IL26: variants seen among roughly 807,000 people sequenced by gnomAD.
IL26 encodes interleukin-26.
Under a neutral mutation model 21.7 loss-of-function variants are expected in IL26, and 23 were observed. The observed-to-expected ratio is 1.06, with a 90% CI of 0.76 to 1.50. The LOEUF is 1.50. Ranked by LOEUF, IL26 falls within the 40% of genes most tolerant of loss-of-function variation. The probability of loss-of-function intolerance (pLI) is 0.00; values close to 1 mark genes in which losing one functional copy is unlikely to be tolerated. For synonymous variants in IL26, 63 were observed against 67.8 expected (o/e 0.93, Z 0.34); for missense variants, 204 against 196.0 (o/e 1.04, Z -0.24).
intron 3 of IL26, among the ~76,000 whole-genome samples, chr12:68,223,106 A>G (rs906727082): frequency 6.6e-6 from 1 of 151,878 alleles, no homozygotes; most frequent in Non-Finnish European, 1.5e-5. Context: ...CCCTAAATCA[A>G]TGTCTGCAGT....
At chr12:68,224,622 AAGG>A (rs1318394585) in intron 3 of IL26, among the ~76,000 whole-genome samples, 4 of 150,472 alleles carry the variant, frequency 2.7e-5, no homozygotes, top group Non-Finnish European at 5.9e-5. Context: ...AAAGAAAGAA[AAGG>A]AAGTAAAGAA....
intron 3 of IL26, among the ~76,000 whole-genome samples, chr12:68,221,741 T>C (rs1869052008): frequency 6.6e-6 from 1 of 152,170 alleles, no homozygotes; most frequent in African/African-American, 2.4e-5. Context: ...CATCTTTAAG[T>C]TTTTCTTTCT....
In IL26 at chr12:68,225,257, A is replaced by G; in HGVS notation, c.255T>C (p.Leu85=). The G allele has an allele frequency of 6.2e-7, 1 of 1,608,696 alleles. No homozygotes were observed. Among genetic ancestry groups the G allele is most frequent in the African/African-American group, 1.3e-5 (1 of 74,694 alleles). The change falls in exon 3 of 5, where the codon CTT becomes CTC. Residue 85 remains leucine, a synonymous_variant. Coordinates refer to ENST00000229134, the MANE Select transcript of IL26 (RefSeq NM_018402.2). ...FMKNCQFQEQ[L]LSFFMEDVFG... Reference sequence around the variant, plus strand: ...AAACGTCTTCCATGAAGAAGGACAGAAGCTGTTCTTGAAATTGACAGTTTT... The same window carrying G: ...AAACGTCTTCCATGAAGAAGGACAGGAGCTGTTCTTGAAATTGACAGTTTT...
At chr12:68,210,855 G>C (rs1281873506) in intron 3 of IL26, among the ~76,000 whole-genome samples, 1 of 152,072 alleles carries the variant, frequency 6.6e-6, no homozygotes, top group Non-Finnish European at 1.5e-5. Context: ...ACATTTTTCA[G>C]TGTTATTGTC....
chr12:68,224,285 TTTTTGTTTTG>T (rs60633848), intron 3 of IL26, among the ~76,000 whole-genome samples: 4,369 of 148,090 alleles, frequency 0.03, 176 homozygotes, highest in African/African-American at 0.087. Flanking sequence ...TGGCTCAGTG[TTTTTGTTTTG>T]TTTTGTTTTG....
intron 3 of IL26, among the ~76,000 whole-genome samples, chr12:68,224,021 A>T (rs1869146129): frequency 7.6e-6 from 1 of 131,206 alleles, no homozygotes; most frequent in Admixed American, 8.5e-5. Flanking sequence ...AAAACATCTT[A>T]ACTCTTAAAA....
intron 3 of IL26, among the ~76,000 whole-genome samples, chr12:68,222,432 C>G (rs1869079525): frequency 6.6e-6 from 1 of 152,170 alleles, no homozygotes; most frequent in Non-Finnish European, 1.5e-5. Flanking sequence ...ATCAGCTGTT[C>G]AGAACACAGA....
chr12:68,213,535 A>G (rs1868792103), intron 3 of IL26, among the ~76,000 whole-genome samples: 1 of 152,064 alleles, frequency 6.6e-6, no homozygotes, highest in South Asian at 2.1e-4. Context: ...CTTTTGTTAC[A>G]GCTTCAATCT....
chr12:68,225,788 A>T lies in IL26; in HGVS notation c.-32T>A. On this transcript the variant is annotated 5_prime_UTR_variant, in exon 1 of 5. Coordinates refer to ENST00000229134, the MANE Select transcript of IL26 (RefSeq NM_018402.2). ...TCACCCCACTCAGCGTGTGTCACTCACAGCAGCCCAAGAGATACTAATGCC... is the reference window on the plus strand; with the variant it reads ...TCACCCCACTCAGCGTGTGTCACTCTCAGCAGCCCAAGAGATACTAATGCC... 1 of 1,609,364 alleles carries T rather than the reference A, an allele frequency of 6.2e-7. No individual in the cohort carries two copies. Among genetic ancestry groups the T allele is most frequent in the Non-Finnish European group, 8.5e-7 (1 of 1,177,136 alleles).
intron 3 of IL26, among the ~76,000 whole-genome samples, chr12:68,224,325 GTT>G (rs961903064): frequency 6.7e-6 from 1 of 149,782 alleles, no homozygotes; most frequent in Non-Finnish European, 1.5e-5. Flanking sequence ...GTTTTGTTTT[GTT>G]TTGTTTTCTG....
chr12:68,223,567 T>C (rs1446325347), intron 3 of IL26, among the ~76,000 whole-genome samples: 1 of 152,222 alleles, frequency 6.6e-6, no homozygotes, highest in African/African-American at 2.4e-5. Context: ...TTGGGGGTTC[T>C]GACCAGACAC....
At position 68,201,794 on chromosome 12, in the gene IL26, G is replaced by T; in HGVS notation, c.*51C>A. 8.0e-7 allele frequency: 1 copy of T among 1,252,000 alleles called. No individual in the cohort carries two copies. Among genetic ancestry groups the T allele is most frequent in the Non-Finnish European group, 1.1e-6 (1 of 884,672 alleles). 77.6% of individuals were successfully genotyped at this position (1,252,000 alleles called of 1,614,324 possible). A position where few individuals can be genotyped will look rare whatever the true frequency, so the allele number is the denominator to read the frequency against. On this transcript the variant is annotated 3_prime_UTR_variant, in exon 5 of 5. Transcript: ENST00000229134. The stretch of plus-strand genomic sequence containing the variant: ...GACTGTTATAAACATATTTCTAGCA[G>T]TTCTTATTGTATTTCAAAATAACTG...
At chr12:68,205,793 A>G (rs1211797358) in intron 3 of IL26, among the ~76,000 whole-genome samples, 1 of 152,238 alleles carries the variant, frequency 6.6e-6, no homozygotes, top group East Asian at 1.9e-4. Flanking sequence ...CAGTCCTCGT[A>G]TCATAGAAAA....
At chr12:68,217,698 T>C (rs1868924734) in intron 3 of IL26, among the ~76,000 whole-genome samples, 1 of 152,156 alleles carries the variant, frequency 6.6e-6, no homozygotes, top group Non-Finnish European at 1.5e-5. Context: ...TCATACATCA[T>C]GTGACCCAGT....
In IL26 at chr12:68,221,167, T is replaced by C. The variant is rs573333200; in HGVS notation, c.363+3982A>G. 1.8e-4 allele frequency among the ~76,000 whole-genome samples: 27 copies of C among 152,222 alleles called. No individual in the cohort carries two copies. The South Asian group carries it at 3.7e-3, about 21-fold the overall frequency. On this transcript the variant is annotated intron_variant, in intron 3 of 4. Coordinates refer to ENST00000229134, the MANE Select transcript of IL26 (RefSeq NM_018402.2). ...TGAAGACAAAACAAAGCCAGTCAACTAAAACTAAATAAATAAAAGAAAAAA... is the reference window on the plus strand; with the variant it reads ...TGAAGACAAAACAAAGCCAGTCAACCAAAACTAAATAAATAAAAGAAAAAA...
intron 3 of IL26, among the ~76,000 whole-genome samples, chr12:68,215,887 T>C (rs995040970): frequency 6.6e-6 from 1 of 151,668 alleles, no homozygotes; most frequent in East Asian, 2.0e-4. Flanking sequence ...TTTCACTATG[T>C]TGGCCAGGCT....
At chr12:68,206,769 C>G (rs927022459) in intron 3 of IL26, among the ~76,000 whole-genome samples, 3 of 152,322 alleles carry the variant, frequency 2.0e-5, no homozygotes, top group Non-Finnish European at 4.4e-5. Context: ...AGGACACTTC[C>G]ATCTACATCA....
chr12:68,213,778 A>C (rs894155918), intron 3 of IL26, among the ~76,000 whole-genome samples: 5 of 151,430 alleles, frequency 3.3e-5, no homozygotes, highest in African/African-American at 4.8e-5. Context: ...TTCTTAGCTA[A>C]ATGTCCACTG....
Position 68,225,569 on chromosome 12 carries a change from C to G in IL26, c.171+17G>C. On this transcript the variant is annotated intron_variant, in intron 1 of 4. Transcript: ENST00000229134. ...ATGTCCTTGAGGTCATGATTTTAAG[C>G]AGAGCCTAATACTTACTGGAATCGT... The G allele has an allele frequency of 4.3e-6, 7 of 1,613,206 alleles. 1 individual carries two copies. In the South Asian group the frequency reaches 7.7e-5, roughly 18 times the overall value.
Sources: gnomAD v4.1 joint callset for allele counts (sites outside exome capture counted in the v4.1 genomes callset) on GRCh38, gnomAD v4.1.1 for gene constraint, MANE v1.5 for transcripts, NCBI Gene and HGNC (gene_info 2026-07-23, HGNC 2026-07-21) for gene names.